Variants in TYW1B observed in about 807,000 individuals in gnomAD.
TYW1B encodes tRNA-yW synthesizing protein 1 homolog B.
Under a neutral mutation model 86.9 loss-of-function variants are expected in TYW1B, and 73 were observed. The observed-to-expected ratio is 0.84, with a 90% CI of 0.70 to 1.02. The LOEUF (loss-of-function observed/expected upper bound fraction) is 1.02. TYW1B is among the 50% of genes least tolerant of loss of function. TYW1B has a pLI of 0.00. For synonymous variants in TYW1B, 248 were observed against 292.8 expected (o/e 0.85, Z 1.56); for missense variants, 637 against 827.4 (o/e 0.77, Z 2.82).
At chr7:72,812,473 T>C (rs1788638884) in intron 3 of TYW1B, among the ~76,000 whole-genome samples, 1 of 152,080 alleles carries the variant, frequency 6.6e-6, no homozygotes, top group South Asian at 2.1e-4. Flanking sequence ...ATCTTAAGAG[T>C]TCCAAGTCAT....
intron 11 of TYW1B, among the ~76,000 whole-genome samples, chr7:72,683,701 A>G (rs560874861): frequency 1.3e-5 from 2 of 152,352 alleles, no homozygotes; most frequent in East Asian, 1.9e-4. Flanking sequence ...AGGATATCAC[A>G]TTCAGTAACA....
At chr7:72,653,040 C>A (rs143109290) in intron 11 of TYW1B, among the ~76,000 whole-genome samples, 2 of 152,016 alleles carry the variant, frequency 1.3e-5, no homozygotes, top group African/African-American at 4.8e-5. Context: ...AATACTTAGA[C>A]AAAGGATCAT....
intron 13 of TYW1B, among the ~76,000 whole-genome samples, chr7:72,603,110 ATGGATGGATGGATG>A (rs1811708814): frequency 6.6e-6 from 1 of 151,976 alleles, no homozygotes; most frequent in South Asian, 2.1e-4. Flanking sequence ...GGATGGATGG[ATGGATGGATGGATG>A]GATGGATGGA....
At chr7:72,700,224 G>T (rs1814432859) in intron 10 of TYW1B, among the ~76,000 whole-genome samples, 1 of 115,020 alleles carries the variant, frequency 8.7e-6, no homozygotes. Context: ...ACCCAGGCTG[G>T]AGTGCAATGG....
chr7:72,808,369 G>A (rs1788535407), intron 4 of TYW1B, among the ~76,000 whole-genome samples: 1 of 152,140 alleles, frequency 6.6e-6, no homozygotes, highest in South Asian at 2.1e-4. Context: ...AGGATCACCT[G>A]AGCCCAGGGA....
chr7:72,603,245 C>T (rs188281540), intron 13 of TYW1B, among the ~76,000 whole-genome samples: 217 of 128,574 alleles, frequency 1.7e-3, no homozygotes, highest in Non-Finnish European at 2.5e-3. Context: ...GATGGACGGA[C>T]GGATGGATGG....
intron 11 of TYW1B, among the ~76,000 whole-genome samples, chr7:72,693,770 C>G (rs1814234654): frequency 6.6e-6 from 1 of 152,026 alleles, no homozygotes; most frequent in African/African-American, 2.4e-5. Flanking sequence ...CACATTCAAC[C>G]AACCATGGAT....
intron 10 of TYW1B, among the ~76,000 whole-genome samples, chr7:72,710,840 CTG>C (rs1786641840): frequency 6.6e-6 from 1 of 152,174 alleles, no homozygotes; most frequent in Non-Finnish European, 1.5e-5. Flanking sequence ...CAAGCTGACT[CTG>C]TGTGTGCGAA....
chr7:72,751,260 A>T (rs1787495624), intron 7 of TYW1B, among the ~76,000 whole-genome samples: 1 of 150,390 alleles, frequency 6.6e-6, no homozygotes, highest in Non-Finnish European at 1.5e-5. Flanking sequence ...CTCGTCTTGA[A>T]CTCCTGACCT....
At chr7:72,805,516 G>T (rs182379024) in intron 5 of TYW1B, among the ~76,000 whole-genome samples, 1 of 151,782 alleles carries the variant, frequency 6.6e-6, no homozygotes, top group Non-Finnish European at 1.5e-5. Flanking sequence ...GGAGGCTGAA[G>T]TGGGAGGATC....
intron 10 of TYW1B, among the ~76,000 whole-genome samples, chr7:72,700,189 T>G (rs1304990648): frequency 4.3e-5 from 3 of 69,004 alleles, no homozygotes; most frequent in South Asian, 4.8e-4. Context: ...TTTTTTTTTT[T>G]TGTGAGACAG....
intron 13 of TYW1B, among the ~76,000 whole-genome samples, chr7:72,595,859 T>C (rs1250273532): frequency 1.3e-5 from 2 of 152,062 alleles, no homozygotes; most frequent in Non-Finnish European, 2.9e-5. Context: ...CCCATGTTCA[T>C]GGATTGAAAG....
intron 8 of TYW1B, among the ~76,000 whole-genome samples, chr7:72,733,390 T>C (rs1316607134): frequency 6.6e-6 from 1 of 152,192 alleles, no homozygotes; most frequent in Admixed American, 6.6e-5. Context: ...CCGGGCGCGG[T>C]GGCTCACGCC....
chr7:72,614,297 A>T (rs1585848880), intron 13 of TYW1B, among the ~76,000 whole-genome samples: 1 of 152,022 alleles, frequency 6.6e-6, no homozygotes, highest in African/African-American at 2.4e-5. Flanking sequence ...TTCATCTTGA[A>T]CAAGTTACTG....
At chr7:72,734,877 T>A (rs1787172481) in intron 8 of TYW1B, among the ~76,000 whole-genome samples, 1 of 152,156 alleles carries the variant, frequency 6.6e-6, no homozygotes, top group Non-Finnish European at 1.5e-5. Context: ...ACATCACTAA[T>A]CATCAGAGAA....
At chr7:72,770,084 A>C (rs534538347) in intron 7 of TYW1B, among the ~76,000 whole-genome samples, 6 of 151,756 alleles carry the variant, frequency 4.0e-5, no homozygotes, top group East Asian at 1.9e-4. Flanking sequence ...AAAAAAAAAA[A>C]AACAAAAAAA....
At chr7:72,680,561 G>C (rs1389390423) in intron 11 of TYW1B, among the ~76,000 whole-genome samples, 3 of 152,158 alleles carry the variant, frequency 2.0e-5, no homozygotes, top group Non-Finnish European at 4.4e-5. Flanking sequence ...TTGGGACTTG[G>C]AACGGCTTCC....
At chr7:72,780,354 A>G (rs1346846440) in intron 6 of TYW1B, among the ~76,000 whole-genome samples, 1 of 152,234 alleles carries the variant, frequency 6.6e-6, no homozygotes, top group African/African-American at 2.4e-5. Context: ...AAGCAATTCT[A>G]TATAGCGAGT....
chr7:72,664,680 T>C (rs1485996449), intron 11 of TYW1B, among the ~76,000 whole-genome samples: 1 of 151,998 alleles, frequency 6.6e-6, no homozygotes, highest in Non-Finnish European at 1.5e-5. Context: ...GATGAGATAA[T>C]CTGTACAACG....
Sources: allele counts gnomAD v4.1 joint callset (sites outside exome capture counted in the v4.1 genomes callset), GRCh38; gene constraint gnomAD v4.1.1; transcripts MANE v1.5; gene names NCBI Gene and HGNC (gene_info 2026-07-23, HGNC 2026-07-21).